Variants in DLGAP2 observed in about 807,000 individuals in gnomAD.
DLGAP2 encodes DLG associated protein 2.
A neutral mutation model predicts 100.3 loss-of-function variants in DLGAP2; 26 were observed. That is an observed-to-expected ratio of 0.26 (90% CI 0.19 to 0.36). The LOEUF (loss-of-function observed/expected upper bound fraction) is 0.36. Among genes scored for constraint, DLGAP2 ranks in the 10% least tolerant of loss-of-function variants. DLGAP2 has a pLI of 1.00. For missense variants in DLGAP2, 1,858 were observed against 1,453.2 expected, an observed-to-expected ratio of 1.28 and a Z score of -4.53; for synonymous variants, 886 against 630.1, an observed-to-expected ratio of 1.41 and a Z score of -6.08.
intron 3 of DLGAP2, among the ~76,000 whole-genome samples, chr8:1,351,740 C>A (rs1252141549): frequency 4.0e-5 from 2 of 50,262 alleles, no homozygotes; most frequent in African/African-American, 5.6e-5. Flanking sequence ...TGTGGAAAGG[C>A]CGTGCGGGTC....
intron 5 of DLGAP2, among the ~76,000 whole-genome samples, chr8:1,554,770 G>T (rs1267784322): frequency 7.5e-6 from 1 of 133,374 alleles, no homozygotes; most frequent in South Asian, 2.5e-4. Context: ...ACGCGCCCCA[G>T]CCCCCCCTCC....
At chr8:1,507,485 G>A (rs1437559014) in intron 4 of DLGAP2, among the ~76,000 whole-genome samples, 1 of 152,156 alleles carries the variant, frequency 6.6e-6, no homozygotes, top group Non-Finnish European at 1.5e-5. Flanking sequence ...AACTCGCGCT[G>A]GCCCATGAGC....
intron 3 of DLGAP2, among the ~76,000 whole-genome samples, chr8:1,315,142 C>T (rs1206313610): frequency 6.6e-6 from 1 of 152,232 alleles, no homozygotes; most frequent in Admixed American, 6.5e-5. Context: ...AAGAGTAAAG[C>T]TTCCTGGAGA....
intron 3 of DLGAP2, among the ~76,000 whole-genome samples, chr8:1,444,001 T>C (rs1434848973): frequency 6.6e-6 from 1 of 152,168 alleles, no homozygotes; most frequent in East Asian, 1.9e-4. Flanking sequence ...AGCATGCCAA[T>C]TATGAGTTTT....
intron 1 of DLGAP2, among the ~76,000 whole-genome samples, chr8:782,245 A>T (rs1432909937): frequency 1.3e-5 from 2 of 152,136 alleles, no homozygotes; most frequent in Non-Finnish European, 2.9e-5. Flanking sequence ...ATTAAAAAAA[A>T]AACAGAAGAG....
intron 4 of DLGAP2, among the ~76,000 whole-genome samples, chr8:1,534,547 C>G (rs749198091): frequency 2.6e-5 from 4 of 152,208 alleles, no homozygotes; most frequent in African/African-American, 4.8e-5. Flanking sequence ...AGTTTAGAAT[C>G]ACAAAACTCC....
intron 1 of DLGAP2, among the ~76,000 whole-genome samples, chr8:815,905 A>G (rs1796467543): frequency 6.6e-6 from 1 of 152,178 alleles, no homozygotes; most frequent in Non-Finnish European, 1.5e-5. Flanking sequence ...TTAGTTACAT[A>G]TATATTTAGA....
chr8:1,341,069 C>T (rs537015526), intron 3 of DLGAP2, among the ~76,000 whole-genome samples: 4 of 152,040 alleles, frequency 2.6e-5, no homozygotes, highest in Non-Finnish European at 5.9e-5. Flanking sequence ...ACAACACACA[C>T]TGGGACCTGT....
chr8:857,637 C>T (rs1435601225), intron 1 of DLGAP2, among the ~76,000 whole-genome samples: 1 of 152,106 alleles, frequency 6.6e-6, no homozygotes, highest in Admixed American at 6.5e-5. Context: ...AGTGCCACAC[C>T]CCTGCTGGAA....
At chr8:830,282 A>C (rs985704293) in intron 1 of DLGAP2, among the ~76,000 whole-genome samples, 1 of 152,214 alleles carries the variant, frequency 6.6e-6, no homozygotes. Context: ...CCCCTCAAGC[A>C]TTTATCCTTT....
At chr8:1,345,392 A>T (rs909936672) in intron 3 of DLGAP2, among the ~76,000 whole-genome samples, 6 of 152,250 alleles carry the variant, frequency 3.9e-5, no homozygotes, top group African/African-American at 1.4e-4. Context: ...CACTGCATGT[A>T]GTTTCCCCCA....
chr8:1,234,666 C>T (rs1002900134), intron 2 of DLGAP2, among the ~76,000 whole-genome samples: 7 of 152,160 alleles, frequency 4.6e-5, no homozygotes, highest in Admixed American at 1.3e-4. Context: ...AGATCGAGAA[C>T]GAGGCTTAAA....
intron 2 of DLGAP2, among the ~76,000 whole-genome samples, chr8:911,746 G>A (rs1249396987): frequency 3.3e-5 from 5 of 150,692 alleles, no homozygotes; most frequent in Non-Finnish European, 7.4e-5. Flanking sequence ...GAAGGATGCT[G>A]GAGAATGTTG....
At chr8:1,300,853 C>T (rs1158675579) in intron 3 of DLGAP2, 1 of 152,230 alleles carries the variant, frequency 6.6e-6, no homozygotes, top group Non-Finnish European at 1.5e-5. Context: ...ATGATTTCAT[C>T]CTTGTCTTAT....
chr8:1,174,186 AG>A (rs1375106982), intron 2 of DLGAP2, among the ~76,000 whole-genome samples: 2 of 152,092 alleles, frequency 1.3e-5, no homozygotes, highest in African/African-American at 4.8e-5. Context: ...TACATTTTCC[AG>A]GATTCTAAGG....
intron 6 of DLGAP2, among the ~76,000 whole-genome samples, chr8:1,620,130 A>C (rs1281775169): frequency 6.6e-6 from 1 of 152,128 alleles, no homozygotes. Flanking sequence ...AGTTCCACTC[A>C]TACTTCCATT....
At chr8:1,595,288 T>A (rs1796416624) in intron 6 of DLGAP2, among the ~76,000 whole-genome samples, 1 of 152,060 alleles carries the variant, frequency 6.6e-6, no homozygotes, top group Admixed American at 6.6e-5. Context: ...ATAAACTTTT[T>A]ATTGACAAAT....
At chr8:1,496,507 G>A (rs556012952) in intron 3 of DLGAP2, among the ~76,000 whole-genome samples, 107 of 152,218 alleles carry the variant, frequency 7.0e-4, no homozygotes, top group African/African-American at 2.5e-3. Context: ...CGCACTGCCC[G>A]AGTCTCCCTT....
At chr8:817,244 T>G (rs1213041390) in intron 1 of DLGAP2, among the ~76,000 whole-genome samples, 2 of 152,232 alleles carry the variant, frequency 1.3e-5, no homozygotes, top group Non-Finnish European at 2.9e-5. Context: ...TTCAGTTTGT[T>G]CTATTCTATT....
Sources: gnomAD v4.1 joint callset for allele counts (sites outside exome capture counted in the v4.1 genomes callset) on GRCh38, gnomAD v4.1.1 for gene constraint, MANE v1.5 for transcripts, NCBI Gene and HGNC (gene_info 2026-07-23, HGNC 2026-07-21) for gene names.